Variants in RAB31 observed in about 807,000 individuals in gnomAD.
The protein encoded by RAB31 is RAB31, member RAS oncogene family, also known as ras-related protein Rab-31.
In RAB31, 21 loss-of-function variants were observed where a neutral mutation model predicts 25.6. The observed-to-expected ratio is 0.82, with a 90% confidence interval of 0.58 to 1.18. The LOEUF (loss-of-function observed/expected upper bound fraction) is 1.18, where lower values mean the gene tolerates loss of function less well. RAB31 is among the 50% of genes most tolerant of loss of function. The probability of loss-of-function intolerance (pLI) is 0.00; values close to 1 mark genes in which losing one functional copy is unlikely to be tolerated. For missense variants in RAB31, 196 were observed against 250.1 expected, an observed-to-expected ratio of 0.78 and a Z score of 1.46; for synonymous variants, 87 against 84.0, an observed-to-expected ratio of 1.04 and a Z score of -0.20.
intron 3 of RAB31, among the ~76,000 whole-genome samples, chr18:9,792,858 C>G (rs1021486263): frequency 2.6e-5 from 4 of 152,158 alleles, no homozygotes; most frequent in Non-Finnish European, 4.4e-5. Flanking sequence ...CTTAGCGCCC[C>G]AAGGAAAATC....
At chr18:9,838,760 G>GA (rs2068717639) in intron 5 of RAB31, among the ~76,000 whole-genome samples, 1 of 152,174 alleles carries the variant, frequency 6.6e-6, no homozygotes, top group African/African-American at 2.4e-5. Context: ...CACCTCGCTG[G>GA]AATACAGGCT....
chr18:9,812,055 T>C (rs778849607), intron 3 of RAB31, among the ~76,000 whole-genome samples: 16 of 152,220 alleles, frequency 1.1e-4, no homozygotes, highest in Admixed American at 2.6e-4. Context: ...ATACTCGCCT[T>C]CTTGCTGTAT....
intron 1 of RAB31, among the ~76,000 whole-genome samples, chr18:9,713,883 G>A (rs756366787): frequency 5.3e-5 from 8 of 152,078 alleles, no homozygotes; most frequent in South Asian, 2.1e-4. Flanking sequence ...GAGAGTGCTC[G>A]GTCTCTTTCT....
Position 9,744,337 on chromosome 18 carries a change from C to G in RAB31, c.40-30941C>G, listed in dbSNP as rs532815733. Reference sequence around the variant, plus strand: ...GTTAGCATGGCTAAAATGACCCCCTCCAAGCCGTAGGAAAAGCAAAGTTCG... The same window carrying G: ...GTTAGCATGGCTAAAATGACCCCCTGCAAGCCGTAGGAAAAGCAAAGTTCG... On this transcript the variant is annotated intron_variant, in intron 1 of 6. Coordinates refer to ENST00000578921, the MANE Select transcript of RAB31 (RefSeq NM_006868.4). Among the ~76,000 whole-genome samples, 6 of 152,308 alleles carry G rather than the reference C, an allele frequency of 3.9e-5. No homozygotes were observed. In the South Asian group the frequency reaches 1.2e-3, roughly 32 times the overall value.
intron 1 of RAB31, among the ~76,000 whole-genome samples, chr18:9,765,957 G>C (rs145887826): frequency 6.6e-6 from 1 of 152,002 alleles, no homozygotes; most frequent in Non-Finnish European, 1.5e-5. Flanking sequence ...TGTAGGGGGT[G>C]GGGGAGAGTG....
chr18:9,775,245 C>T, intron 1 of RAB31, 33 bp from the exon 2 acceptor site: 1 of 1,613,432 alleles, frequency 6.2e-7, no homozygotes, highest in Non-Finnish European at 8.5e-7. Flanking sequence ...TGCCGCCCTT[C>T]ATCTTCACGG....
intron 1 of RAB31, among the ~76,000 whole-genome samples, chr18:9,758,959 G>A (rs2068273604): frequency 6.6e-6 from 1 of 152,122 alleles, no homozygotes; most frequent in Non-Finnish European, 1.5e-5. Flanking sequence ...TGTTGGGTGG[G>A]ACAGGAAGTA....
At chr18:9,811,622 C>G (rs956925690) in intron 3 of RAB31, among the ~76,000 whole-genome samples, 1 of 152,138 alleles carries the variant, frequency 6.6e-6, no homozygotes, top group Non-Finnish European at 1.5e-5. Flanking sequence ...TTATGCTATA[C>G]AGATGCTTGT....
At chr18:9,855,720 G>A (rs975733945) in intron 6 of RAB31, among the ~76,000 whole-genome samples, 4 of 152,070 alleles carry the variant, frequency 2.6e-5, no homozygotes, top group East Asian at 1.9e-4. Flanking sequence ...CTTTCTCTGC[G>A]TGGAAGCATT....
intron 1 of RAB31, among the ~76,000 whole-genome samples, chr18:9,756,951 T>G (rs955406783): frequency 6.6e-6 from 1 of 152,162 alleles, no homozygotes; most frequent in African/African-American, 2.4e-5. Flanking sequence ...CTGTTCTGAT[T>G]GATTGGTGCC....
rs945963577 is a variant in RAB31 at position 9,862,437 on chromosome 18, T to C, written c.*3112T>C. The C allele has an allele frequency of 2.6e-5, 4 of 152,272 alleles. No individual in the cohort carries two copies. Among genetic ancestry groups the C allele is most frequent in the Non-Finnish European group, 5.9e-5 (4 of 68,054 alleles). The allele number at this position is 152,272 out of a possible 1,614,324, so 9.4% of individuals were successfully genotyped here. A position where few individuals can be genotyped will look rare whatever the true frequency, so the allele number is the denominator to read the frequency against. On this transcript the variant is annotated 3_prime_UTR_variant, in exon 7 of 7. Coordinates refer to ENST00000578921, the MANE Select transcript of RAB31 (RefSeq NM_006868.4). ...GACACCGCTGCAGTCAGCTAGGACC[T>C]TTCCGCCATGTATTCTATTCTGTAG...
At chr18:9,856,087 G>A (rs2068814422) in intron 6 of RAB31, 1 of 152,136 alleles carries the variant, frequency 6.6e-6, no homozygotes, top group South Asian at 2.1e-4. Flanking sequence ...CCTACCAAAG[G>A]AGAAAAATGA....
At chr18:9,710,303 A>T (rs2068009722) in intron 1 of RAB31, among the ~76,000 whole-genome samples, 1 of 152,200 alleles carries the variant, frequency 6.6e-6, no homozygotes, top group Non-Finnish European at 1.5e-5. Context: ...ACACCAGATG[A>T]TCTCTTAAGA....
At chr18:9,827,401 G>A (rs2068655299) in intron 5 of RAB31, among the ~76,000 whole-genome samples, 1 of 152,114 alleles carries the variant, frequency 6.6e-6, no homozygotes, top group Non-Finnish European at 1.5e-5. Context: ...TTGGGAAGTG[G>A]GAGAACTTTC....
At chr18:9,710,061 C>G (rs985348822) in intron 1 of RAB31, among the ~76,000 whole-genome samples, 14 of 152,070 alleles carry the variant, frequency 9.2e-5, no homozygotes, top group Non-Finnish European at 1.9e-4. Flanking sequence ...TGAGGTGGTC[C>G]AAGCCCTGCC....
Position 9,719,285 on chromosome 18 carries a change from A to T in RAB31, c.39+10841A>T, listed in dbSNP as rs2068059890. ...ACTCTGTCTCAAAAAAAAAAAAAAA[A>T]AAAAAAAAAAAAAATATATATATAT... On this transcript the variant is annotated intron_variant, in intron 1 of 6. Transcript: ENST00000578921. 3.1e-5 allele frequency among the ~76,000 whole-genome samples: 2 copies of T among 65,408 alleles called. 1 individual carries two copies. The allele number at this position is 65,408 out of a possible 152,430, so 42.9% of individuals were successfully genotyped here.
intron 1 of RAB31, among the ~76,000 whole-genome samples, chr18:9,738,911 A>C (rs2145470444): frequency 6.6e-6 from 1 of 152,294 alleles, no homozygotes; most frequent in South Asian, 2.1e-4. Flanking sequence ...ACTAGAGAAC[A>C]CTCAGAGAAC....
chr18:9,719,517 T>C (rs974449271), intron 1 of RAB31, among the ~76,000 whole-genome samples: 1 of 151,532 alleles, frequency 6.6e-6, no homozygotes, highest in Non-Finnish European at 1.5e-5. Flanking sequence ...AGTTTGTTTG[T>C]AATCCCACAG....
chr18:9,824,556 G>A (rs2068640661), intron 5 of RAB31, among the ~76,000 whole-genome samples: 4 of 152,148 alleles, frequency 2.6e-5, no homozygotes, highest in African/African-American at 9.7e-5. Flanking sequence ...CCTATTTTGA[G>A]AATTTGCTGG....
Sources: allele counts gnomAD v4.1 joint callset (sites outside exome capture counted in the v4.1 genomes callset), GRCh38; gene constraint gnomAD v4.1.1; transcripts MANE v1.5; gene names NCBI Gene and HGNC (gene_info 2026-07-23, HGNC 2026-07-21).